Variants in SNTG1 observed in about 807,000 individuals in gnomAD.
SNTG1 encodes the protein syntrophin gamma 1.
In SNTG1, 39 loss-of-function variants were observed where a neutral mutation model predicts 74.7. The ratio of observed to expected loss-of-function variants is 0.52; its 90% confidence interval spans 0.40 to 0.68. SNTG1 has a LOEUF of 0.68. SNTG1 is among the 30% of genes least tolerant of loss of function. SNTG1 has a pLI of 0.00. For missense variants in SNTG1, 685 were observed against 609.5 expected (o/e 1.12, Z -1.30); for synonymous variants, 254 against 217.1 (o/e 1.17, Z -1.49).
chr8:50,269,426 A>C (rs2087658607), intron 2 of SNTG1, among the ~76,000 whole-genome samples: 1 of 152,196 alleles, frequency 6.6e-6, no homozygotes, highest in East Asian at 1.9e-4. Context: ...AATTATGGTC[A>C]TGATAGTGTA....
At chr8:50,199,844 T>G (rs1700486723) in intron 2 of SNTG1, among the ~76,000 whole-genome samples, 1 of 152,144 alleles carries the variant, frequency 6.6e-6, no homozygotes, top group African/African-American at 2.4e-5. Context: ...ATCAGTGATT[T>G]GATCTGTAGG....
chr8:50,097,671 G>T (rs1045500345), intron 1 of SNTG1, among the ~76,000 whole-genome samples: 1 of 151,758 alleles, frequency 6.6e-6, no homozygotes, highest in Non-Finnish European at 1.5e-5. Flanking sequence ...AACAAAAAAC[G>T]AAACTAAGGA....
chr8:50,762,449 G>A (rs998229884), intron 18 of SNTG1: 10 of 288,236 alleles, frequency 3.5e-5, no homozygotes, highest in Non-Finnish European at 5.6e-5. Flanking sequence ...AAAAACTCAC[G>A]GGACATTCTG....
chr8:50,614,471 A>C, intron 13 of SNTG1, among the ~76,000 whole-genome samples: 1 of 149,618 alleles, frequency 6.7e-6, no homozygotes, highest in East Asian at 1.9e-4. Flanking sequence ...ACTTTATCTA[A>C]AAAAAAGAAA....
At chr8:50,565,248 C>T (rs1184079456) in intron 12 of SNTG1, among the ~76,000 whole-genome samples, 4 of 151,900 alleles carry the variant, frequency 2.6e-5, no homozygotes, top group Non-Finnish European at 5.9e-5. Flanking sequence ...AAATGTGCAT[C>T]AGTCCAGTTG....
intron 1 of SNTG1, among the ~76,000 whole-genome samples, chr8:50,084,433 C>T (rs571521953): frequency 1.3e-5 from 2 of 152,128 alleles, no homozygotes; most frequent in African/African-American, 4.8e-5. Context: ...GCACTCCAGC[C>T]TGGTGACAGA....
rs549407226 is a variant in SNTG1, at chr8:49,916,611, G to A, written c.-103+4380G>A. ...CGGTCTAAGATTTAGTTTTTTAAAA[G>A]AATAAGTGCTTGCCTGGTAAATTCA... On this transcript the variant is annotated intron_variant, in intron 1 of 18. Coordinates refer to ENST00000642720, the MANE Select transcript of SNTG1 (RefSeq NM_018967.5). Among the ~76,000 whole-genome samples, 8 of 152,216 alleles carry A rather than the reference G, an allele frequency of 5.3e-5. 1 individual carries two copies. The highest frequency in any genetic ancestry group is 1.4e-4 in the African/African-American group (6 of 41,558).
intron 18 of SNTG1, among the ~76,000 whole-genome samples, chr8:50,761,892 G>A (rs756083615): frequency 2.0e-5 from 3 of 151,942 alleles, no homozygotes; most frequent in Middle Eastern, 3.2e-3. Context: ...TAAAATGTAA[G>A]AAGTGTTAAA....
At chr8:50,663,472 A>C (rs1455896478) in intron 15 of SNTG1, among the ~76,000 whole-genome samples, 2 of 152,052 alleles carry the variant, frequency 1.3e-5, no homozygotes, top group African/African-American at 4.8e-5. Flanking sequence ...CTAGGAGGAG[A>C]GAGGCAGAGG....
chr8:50,409,642 C>T (rs1450248417), intron 4 of SNTG1, among the ~76,000 whole-genome samples: 1 of 152,180 alleles, frequency 6.6e-6, no homozygotes, highest in African/African-American at 2.4e-5. Context: ...CATTCAGTTC[C>T]TGTCATCCTT....
rs186227013 is a variant in SNTG1, at chr8:50,599,046, A to T, written c.849+8129A>T. 2.0e-3 allele frequency among the ~76,000 whole-genome samples: 300 copies of T among 152,196 alleles called. 2 individuals are homozygous for T. Among genetic ancestry groups the T allele is most frequent in the African/African-American group, 6.9e-3 (288 of 41,586 alleles). ...GTACTTTAATATAGGCATGCAATGCATAATAATCACATCATGGAAAATGGA... is the reference window on the plus strand; with the variant it reads ...GTACTTTAATATAGGCATGCAATGCTTAATAATCACATCATGGAAAATGGA... On this transcript the variant is annotated intron_variant, in intron 13 of 18. Transcript: ENST00000642720.
chr8:50,733,053 C>A (rs989174794), intron 17 of SNTG1, among the ~76,000 whole-genome samples: 2 of 151,792 alleles, frequency 1.3e-5, no homozygotes, highest in African/African-American at 4.8e-5. Flanking sequence ...GAGCATAGTA[C>A]CTGATAGACA....
At chr8:50,710,582 T>C (rs1338946371) in intron 17 of SNTG1, among the ~76,000 whole-genome samples, 1 of 152,138 alleles carries the variant, frequency 6.6e-6, no homozygotes, top group African/African-American at 2.4e-5. Context: ...ATGAGAAAAA[T>C]AAAATTCACA....
chr8:50,663,877 G>C (rs906684857), intron 15 of SNTG1, among the ~76,000 whole-genome samples: 1 of 152,112 alleles, frequency 6.6e-6, no homozygotes, highest in Non-Finnish European at 1.5e-5. Flanking sequence ...TATCCTGACA[G>C]ATAACTATCC....
At chr8:50,317,981 C>T (rs181918244) in intron 2 of SNTG1, among the ~76,000 whole-genome samples, 14 of 152,222 alleles carry the variant, frequency 9.2e-5, no homozygotes, top group African/African-American at 3.1e-4. Context: ...GGACTACAGG[C>T]GCTCGCCACC....
chr8:50,110,147 C>T (rs758186071), intron 1 of SNTG1, among the ~76,000 whole-genome samples: 3 of 152,162 alleles, frequency 2.0e-5, no homozygotes, highest in Non-Finnish European at 4.4e-5. Flanking sequence ...TTCTCCTCTG[C>T]CCTCTTCCCT....
chr8:50,223,875 A>G (rs956555420), intron 2 of SNTG1, among the ~76,000 whole-genome samples: 5 of 152,094 alleles, frequency 3.3e-5, no homozygotes, highest in African/African-American at 1.2e-4. Flanking sequence ...TGATAACCCT[A>G]AAGTATAAGG....
intron 13 of SNTG1, among the ~76,000 whole-genome samples, chr8:50,618,891 A>ATGTGTGTGTG (rs34924863): frequency 6.1e-5 from 9 of 148,342 alleles, no homozygotes; most frequent in African/African-American, 2.0e-4. Context: ...ATATGTGTAT[A>ATGTGTGTGTG]TGTGTGTGTG....
At chr8:50,761,603 A>ATTTTT (rs200187689) in intron 18 of SNTG1, among the ~76,000 whole-genome samples, 2,014 of 148,312 alleles carry the variant, frequency 0.014, 31 homozygotes, top group African/African-American at 0.044. Flanking sequence ...TGCCTGAGCT[A>ATTTTT]TTTTTTTTTT....
Sources: gnomAD v4.1 joint callset for allele counts (sites outside exome capture counted in the v4.1 genomes callset) on GRCh38, gnomAD v4.1.1 for gene constraint, MANE v1.5 for transcripts, NCBI Gene and HGNC (gene_info 2026-07-23, HGNC 2026-07-21) for gene names.